SLCO2A1: variants seen among roughly 807,000 people sequenced by gnomAD.
The protein encoded by SLCO2A1 is matrin F/G 1.
In SLCO2A1, 60 loss-of-function variants were observed where a neutral mutation model predicts 71.7. The observed-to-expected ratio is 0.84, with a 90% CI of 0.68 to 1.04. The LOEUF (loss-of-function observed/expected upper bound fraction) is 1.04. Among genes scored for constraint, SLCO2A1 ranks in the 50% least tolerant of loss-of-function variants. The probability of loss-of-function intolerance (pLI) is 0.00; values close to 1 mark genes in which losing one functional copy is unlikely to be tolerated. For missense variants in SLCO2A1, 745 were observed against 813.4 expected, an observed-to-expected ratio of 0.92 and a Z score of 1.02; for synonymous variants, 308 against 326.7, an observed-to-expected ratio of 0.94 and a Z score of 0.62.
At chr3:133,969,517 G>A (rs1934278071) in intron 3 of SLCO2A1, among the ~76,000 whole-genome samples, 2 of 152,030 alleles carry the variant, frequency 1.3e-5, no homozygotes, top group South Asian at 2.1e-4. Context: ...CTCCCAAGTA[G>A]CTGGGACTAC....
chr3:133,995,637 A>G (rs573632681), intron 1 of SLCO2A1, among the ~76,000 whole-genome samples: 49 of 152,230 alleles, frequency 3.2e-4, no homozygotes, highest in African/African-American at 1.1e-3. Context: ...TACAACCACC[A>G]TGAGTGTTTA....
Position 133,948,660 on chromosome 3 carries a change from G to A in SLCO2A1, c.981C>T (p.Leu327=). The change falls in exon 8 of 14, where the codon CTC becomes CTT. Residue 327 remains leucine, a synonymous_variant. Coordinates refer to ENST00000310926, the MANE Select transcript of SLCO2A1 (RefSeq NM_005630.3). The stretch of plus-strand genomic sequence containing the variant: ...ACTGGGCCAGGACCACCAGGACGAA[G>A]AGTGAGTTCATCAGGAGCCTCAGAA... ...CIFLRLLMNS[L]FVLVVLAQCT... The A allele has an allele frequency of 1.2e-6, 2 of 1,614,172 alleles. No individual in the cohort carries two copies. Among genetic ancestry groups the A allele is most frequent in the Non-Finnish European group, 1.7e-6 (2 of 1,180,006 alleles).
At chr3:133,936,009 C>T in intron 12 of SLCO2A1, 112 bp from the exon 13 acceptor site, 2 of 1,131,446 alleles carry the variant, frequency 1.8e-6, no homozygotes, top group Non-Finnish European at 2.4e-6. Flanking sequence ...AACGGCTCTG[C>T]CGTACCCATA....
Position 134,000,281 on chromosome 3 carries a change from A to G in SLCO2A1, c.97-20663T>C, listed in dbSNP as rs115418138. Among the ~76,000 whole-genome samples the G allele has an allele frequency of 5.5e-3, 835 of 152,228 alleles. 10 individuals are homozygous for G. The highest frequency in any genetic ancestry group is 0.019 in the African/African-American group (780 of 41,530). Reference sequence around the variant, plus strand: ...ACTGGGAGTGTGGGAGCACATGCAGATGCAGTCAGGCCAGGGACACGGGTC... The same window carrying G: ...ACTGGGAGTGTGGGAGCACATGCAGGTGCAGTCAGGCCAGGGACACGGGTC... On this transcript the variant is annotated intron_variant, in intron 1 of 13. Coordinates refer to ENST00000310926, the MANE Select transcript of SLCO2A1 (RefSeq NM_005630.3).
chr3:133,960,121 AAAATAAATAAATAAAT>A (rs59630146), intron 3 of SLCO2A1, among the ~76,000 whole-genome samples: 29 of 149,202 alleles, frequency 1.9e-4, no homozygotes, highest in Middle Eastern at 3.4e-3. Flanking sequence ...CTCCGTCTCA[AAAATAAATAAATAAAT>A]AAATAAATAA....
At chr3:133,980,056 T>G (rs772370143) in intron 1 of SLCO2A1, among the ~76,000 whole-genome samples, 22 of 152,176 alleles carry the variant, frequency 1.4e-4, no homozygotes, top group Non-Finnish European at 3.1e-4. Flanking sequence ...TTCAGACCAC[T>G]CTTGGGAGAT....
At chr3:133,974,114 C>T (rs1253224680) in intron 2 of SLCO2A1, among the ~76,000 whole-genome samples, 2 of 152,202 alleles carry the variant, frequency 1.3e-5, no homozygotes, top group East Asian at 3.8e-4. Context: ...AAAACCTAAA[C>T]TTTAACCATC....
At chr3:133,994,105 C>A (rs2108066024) in intron 1 of SLCO2A1, among the ~76,000 whole-genome samples, 1 of 152,296 alleles carries the variant, frequency 6.6e-6, no homozygotes, top group South Asian at 2.1e-4. Context: ...CCCATCAACT[C>A]ATTGATTTAC....
At position 134,029,730 on chromosome 3, in the gene SLCO2A1, G is replaced by T; in HGVS notation, c.73C>A (p.Arg25Ser). Residue 25 changes from arginine (R) to serine (S), a missense_variant, in exon 1 of 14, where the codon CGC becomes AGC. Arg to Ser is a moderately radical substitution (Grantham distance 110). Coordinates refer to ENST00000310926, the MANE Select transcript of SLCO2A1 (RefSeq NM_005630.3). ...TSTSRAGRCARSVFGNIKVFV... is the reference protein window; with the variant it reads ...TSTSRAGRCASSVFGNIKVFV... ...ACCTTAATGTTGCCGAAGACCGAGC[G>T]GGCACAGCGGCCGGCTCGGCTAGTA... 1 of 1,589,914 alleles carries T rather than the reference G, an allele frequency of 6.3e-7. No homozygotes were observed. The highest frequency in any genetic ancestry group is 8.5e-7 in the Non-Finnish European group (1 of 1,172,116).
intron 1 of SLCO2A1, among the ~76,000 whole-genome samples, chr3:134,017,054 C>T (rs979586381): frequency 1.3e-5 from 2 of 152,088 alleles, no homozygotes; most frequent in Admixed American, 6.6e-5. Context: ...AGCAAGGGGA[C>T]GTGACTATAA....
At chr3:133,994,730 C>G (rs971227727) in intron 1 of SLCO2A1, among the ~76,000 whole-genome samples, 16 of 152,232 alleles carry the variant, frequency 1.1e-4, no homozygotes, top group African/African-American at 3.9e-4. Flanking sequence ...CATTTCAACT[C>G]TGACTTCCCC....
intron 3 of SLCO2A1, chr3:133,955,475 A>G: frequency 4.4e-6 from 2 of 451,382 alleles, no homozygotes; most frequent in East Asian, 4.2e-5. Flanking sequence ...GTGAGTGTCC[A>G]TGCCTTCTCC....
intron 3 of SLCO2A1, among the ~76,000 whole-genome samples, chr3:133,972,782 G>A (rs952319856): frequency 1.1e-4 from 17 of 152,084 alleles, no homozygotes; most frequent in African/African-American, 4.1e-4. Flanking sequence ...TATAATTCAA[G>A]AGCAAGGGTA....
chr3:133,965,262 C>T (rs901730516), intron 3 of SLCO2A1, among the ~76,000 whole-genome samples: 3 of 152,172 alleles, frequency 2.0e-5, no homozygotes, highest in African/African-American at 7.2e-5. Context: ...TTGGAAGAAG[C>T]CTTTTGACAA....
chr3:133,996,191 C>T (rs1002658069), intron 1 of SLCO2A1, among the ~76,000 whole-genome samples: 1 of 152,178 alleles, frequency 6.6e-6, no homozygotes, highest in African/African-American at 2.4e-5. Flanking sequence ...GGAAGGAGCC[C>T]TCATCTGGGG....
Position 134,024,620 on chromosome 3 carries a change from C to T in SLCO2A1, c.96+5087G>A, listed in dbSNP as rs143500048. ...TGGCCTGTCTCTCAAAACAACTAGA[C>T]GGGGTTTCCAAAGCCTGGCCCCCAG... is the stretch of plus-strand genomic sequence containing the variant. On this transcript the variant is annotated intron_variant, in intron 1 of 13. Coordinates refer to ENST00000310926, the MANE Select transcript of SLCO2A1 (RefSeq NM_005630.3). Among the ~76,000 whole-genome samples, 218 of 152,300 alleles carry T rather than the reference C, an allele frequency of 1.4e-3. 1 individual carries two copies. The highest frequency in any genetic ancestry group is 4.6e-3 in the African/African-American group (191 of 41,550).
At chr3:133,957,445 C>G (rs2108047017) in intron 3 of SLCO2A1, among the ~76,000 whole-genome samples, 1 of 152,236 alleles carries the variant, frequency 6.6e-6, no homozygotes, top group South Asian at 2.1e-4. Context: ...CTACATAAGA[C>G]CATACCTAAG....
chr3:133,966,680 T>C (rs1934184700), intron 3 of SLCO2A1, among the ~76,000 whole-genome samples: 1 of 152,228 alleles, frequency 6.6e-6, no homozygotes, highest in Non-Finnish European at 1.5e-5. Context: ...AGTCCTTTTG[T>C]TCCTGAAAGA....
intron 9 of SLCO2A1, among the ~76,000 whole-genome samples, chr3:133,946,166 C>T (rs1376460316): frequency 2.0e-5 from 3 of 151,878 alleles, no homozygotes; most frequent in East Asian, 1.9e-4. Context: ...CTCCCTACCC[C>T]GAGCAACCCT....
Sources: gnomAD v4.1 joint callset for allele counts (sites outside exome capture counted in the v4.1 genomes callset) on GRCh38, gnomAD v4.1.1 for gene constraint, MANE v1.5 for transcripts, NCBI Gene and HGNC (gene_info 2026-07-23, HGNC 2026-07-21) for gene names.